The following SSH1 variants were observed in gnomAD, a reference collection of about 807,000 sequenced individuals.
The protein encoded by SSH1 is protein phosphatase Slingshot homolog 1.
Under a neutral mutation model 79.7 loss-of-function variants are expected in SSH1, and 43 were observed. That is an observed-to-expected ratio of 0.54 (90% CI 0.42 to 0.70). The LOEUF is 0.70. Among genes scored for constraint, SSH1 ranks in the 30% least tolerant of loss-of-function variants. The pLI is 0.00. For synonymous variants in SSH1, 599 were observed against 538.3 expected, an observed-to-expected ratio of 1.11 and a Z score of -1.56; for missense variants, 1,206 against 1,358.8, an observed-to-expected ratio of 0.89 and a Z score of 1.77.
At position 108,818,371 on chromosome 12, in the gene SSH1, A is replaced by C. The variant is rs2037986058; in HGVS notation, c.215-58T>G. On this transcript the variant is annotated intron_variant, in intron 3 of 14. Coordinates refer to ENST00000326495, the MANE Select transcript of SSH1 (RefSeq NM_018984.4). The stretch of plus-strand genomic sequence containing the variant: ...CTCTTACCTACTCTCTAGGAAAAAA[A>C]ACCTCTGAAAGGCTGACTTTGAGGG... 3.3e-6 allele frequency: 5 copies of C among 1,520,282 alleles called. No homozygotes were observed. The African/African-American group carries it at 5.5e-5, about 17-fold the overall frequency. 94.2% of individuals were successfully genotyped at this position (1,520,282 alleles called of 1,614,324 possible). A position where few individuals can be genotyped will look rare whatever the true frequency, so the allele number is the denominator to read the frequency against.
intron 10 of SSH1, 63 bp from the exon 11 acceptor site, chr12:108,802,431 G>A: frequency 6.6e-7 from 1 of 1,515,638 alleles, no homozygotes; most frequent in Non-Finnish European, 9.2e-7. Flanking sequence ...CTGCTCAGGG[G>A]ATGCATGGTT....
chr12:108,838,508 G>C (rs1393738523), intron 2 of SSH1, among the ~76,000 whole-genome samples: 1 of 152,354 alleles, frequency 6.6e-6, no homozygotes, highest in African/African-American at 2.4e-5. Context: ...TGCCCGTGCA[G>C]GCCTCCTATT....
chr12:108,815,351 T>C (rs1177694793), intron 5 of SSH1, among the ~76,000 whole-genome samples: 1 of 152,216 alleles, frequency 6.6e-6, no homozygotes, highest in Non-Finnish European at 1.5e-5. Flanking sequence ...TGCTGTACTC[T>C]ACAGTCAGGA....
intron 3 of SSH1, among the ~76,000 whole-genome samples, chr12:108,822,572 A>C (rs2038163498): frequency 6.6e-6 from 1 of 152,184 alleles, no homozygotes; most frequent in East Asian, 1.9e-4. Context: ...TCAGCCTCCC[A>C]AAGCACTGGG....
intron 3 of SSH1, among the ~76,000 whole-genome samples, chr12:108,818,974 G>A (rs905657384): frequency 6.6e-6 from 1 of 152,196 alleles, no homozygotes; most frequent in East Asian, 1.9e-4. Context: ...GGCTGGTCTC[G>A]AACTCCTGAC....
intron 8 of SSH1, 63 bp from the exon 9 acceptor site, chr12:108,806,457 G>A: frequency 6.9e-7 from 1 of 1,453,476 alleles, no homozygotes. Flanking sequence ...GGAGGTTACA[G>A]GAATGCCAGA....
intron 12 of SSH1, among the ~76,000 whole-genome samples, chr12:108,800,393 C>T (rs2036939451): frequency 6.6e-6 from 1 of 152,106 alleles, no homozygotes; most frequent in African/African-American, 2.4e-5. Flanking sequence ...GCATGTCATC[C>T]CCTAGCCCTC....
At chr12:108,818,372 A>G in intron 3 of SSH1, 59 bp from the exon 4 acceptor site, 1 of 1,518,426 alleles carries the variant, frequency 6.6e-7, no homozygotes, top group Non-Finnish European at 9.1e-7. Flanking sequence ...AGGAAAAAAA[A>G]CCTCTGAAAG....
chr12:108,820,483 CAAACCCCTGTCT>C (rs2038075229), intron 3 of SSH1, among the ~76,000 whole-genome samples: 2 of 152,198 alleles, frequency 1.3e-5, no homozygotes, highest in African/African-American at 4.8e-5. Flanking sequence ...AAAGCAAAAA[CAAACCCCTGTCT>C]GATAAATGCC....
intron 1 of SSH1, among the ~76,000 whole-genome samples, chr12:108,854,637 T>G (rs1167772032): frequency 6.6e-6 from 1 of 151,940 alleles, no homozygotes; most frequent in African/African-American, 2.4e-5. Flanking sequence ...ATTTGAAGAG[T>G]GATGACGTGA....
intron 2 of SSH1, among the ~76,000 whole-genome samples, chr12:108,840,885 G>T (rs1205476430): frequency 6.6e-6 from 1 of 152,118 alleles, no homozygotes; most frequent in Non-Finnish European, 1.5e-5. Context: ...TCCACTGCAG[G>T]GTCAGACCAT....
intron 6 of SSH1, 134 bp downstream of exon 6, chr12:108,811,126 T>C (rs1434777879): frequency 2.4e-6 from 2 of 844,778 alleles, no homozygotes; most frequent in Non-Finnish European, 2.0e-6. Context: ...GAGGGCAATA[T>C]GATTTCTCCC....
In SSH1 at chr12:108,792,246, G is replaced by A. The variant is rs765899719; in HGVS notation, c.1893+40C>T. The A allele has an allele frequency of 8.1e-6, 13 of 1,614,030 alleles. No individual in the cohort carries two copies. In the African/African-American group the frequency reaches 1.2e-4, roughly 15 times the overall value. On this transcript the variant is annotated intron_variant, in intron 14 of 14. Coordinates refer to ENST00000326495, the MANE Select transcript of SSH1 (RefSeq NM_018984.4). ...GTAGGCCAATTAGAGTGGGATGGAA[G>A]GGATGGGGTGTGCCACCCTGCAGGC... is the stretch of plus-strand genomic sequence containing the variant.
rs1339796175 is a variant in SSH1 at position 108,809,448 on chromosome 12, C to A, written c.536+245G>T. Among the ~76,000 whole-genome samples the A allele has an allele frequency of 4.9e-5, 7 of 143,320 alleles. No homozygotes were observed. In the East Asian group the frequency reaches 1.1e-3, roughly 22 times the overall value. The allele number at this position is 143,320 out of a possible 152,430, so 94.0% of individuals were successfully genotyped here. On this transcript the variant is annotated intron_variant, in intron 7 of 14. Transcript: ENST00000326495. ...CCCCAGCCTGGGTGACGGAGCAAGA[C>A]CCTGTCTCAAAAAAAAAAAAAAACG...
chr12:108,840,387 G>A (rs181269786), intron 2 of SSH1, among the ~76,000 whole-genome samples: 5 of 152,074 alleles, frequency 3.3e-5, no homozygotes, highest in East Asian at 1.9e-4. Context: ...CAAAAAATTC[G>A]CCAGGCATGG....
In SSH1 at chr12:108,799,145, A is replaced by T; in HGVS notation, c.1204T>A (p.Ser402Thr). 6.2e-7 allele frequency: 1 copy of T among 1,614,196 alleles called. No homozygotes were observed. The stretch of plus-strand genomic sequence containing the variant: ...TTCATTGCATAGGCTATGACTGTGG[A>T]GGCCGAGCGACTCACGCCCATTTTG... ...HCKMGVSRSA[S>T]TVIAYAMKEF... is the part of the protein sequence containing the mutation. Residue 402 changes from serine (S) to threonine (T), a missense_variant, in exon 13 of 15, where the codon TCC (serine) becomes ACC (threonine). Ser to Thr is a moderately conservative substitution (Grantham distance 58, BLOSUM62 1). Coordinates refer to ENST00000326495, the MANE Select transcript of SSH1 (RefSeq NM_018984.4).
chr12:108,812,719 C>T (rs1450637543), intron 5 of SSH1, among the ~76,000 whole-genome samples: 4 of 152,228 alleles, frequency 2.6e-5, no homozygotes, highest in Admixed American at 6.5e-5. Flanking sequence ...GAGCATGGAA[C>T]AGGGACCATA....
intron 11 of SSH1, 120 bp from the exon 12 acceptor site, chr12:108,801,046 C>A: frequency 2.0e-6 from 2 of 1,012,910 alleles, no homozygotes; most frequent in Admixed American, 2.3e-5. Context: ...GTCATATGTT[C>A]GTGGCGGGAC....
chr12:108,808,629 T>C (rs1215948565), intron 7 of SSH1, among the ~76,000 whole-genome samples: 2 of 152,190 alleles, frequency 1.3e-5, no homozygotes, highest in Non-Finnish European at 2.9e-5. Flanking sequence ...CAGAGACATC[T>C]GCCTGCATTC....
Sources: gnomAD v4.1 joint callset for allele counts (sites outside exome capture counted in the v4.1 genomes callset) on GRCh38, gnomAD v4.1.1 for gene constraint, MANE v1.5 for transcripts, NCBI Gene and HGNC (gene_info 2026-07-23, HGNC 2026-07-21) for gene names.